SHANK2: variants seen among roughly 807,000 people sequenced by gnomAD.
The protein encoded by SHANK2 is SH3 and multiple ankyrin repeat domains 2, also known as SH3 and multiple ankyrin repeat domains protein 2.
SHANK2 carries 43 observed loss-of-function variants against 133.7 expected under a neutral mutation model. The ratio of observed to expected loss-of-function variants is 0.32; its 90% CI spans 0.25 to 0.41. The LOEUF is 0.41. Among genes scored for constraint, SHANK2 ranks in the 10% least tolerant of loss-of-function variants. The pLI is 1.00. For synonymous variants in SHANK2, 1,017 were observed against 952.8 expected (o/e 1.07, Z -1.24); for missense variants, 1,994 against 2,235.8 (o/e 0.89, Z 2.18).
At chr11:70,895,726 A>T (rs1207698357) in intron 11 of SHANK2, among the ~76,000 whole-genome samples, 1 of 152,074 alleles carries the variant, frequency 6.6e-6, no homozygotes, top group Non-Finnish European at 1.5e-5. Flanking sequence ...CTTCCAATAA[A>T]CACATCCAAA....
chr11:70,468,863 G>A lies in SHANK2; in HGVS notation c.*4006C>T, dbSNP rs1555147730. The A allele has an allele frequency of 6.6e-6, 1 of 152,244 alleles. No individual in the cohort carries two copies. The highest frequency in any genetic ancestry group is 1.9e-4 in the East Asian group (1 of 5,202). The allele number at this position is 152,244 out of a possible 1,614,324, so 9.4% of individuals were successfully genotyped here. ...GGTGAGGCCAAAGAAGAAGTTCAAC[G>A]TTTAGGTTTAAAATATGCTTCCCTA... is the stretch of plus-strand genomic sequence containing the variant. On this transcript the variant is annotated 3_prime_UTR_variant, in exon 26 of 26. Coordinates refer to ENST00000601538, the MANE Select transcript of SHANK2 (RefSeq NM_012309.5).
At chr11:70,910,891 T>C in intron 10 of SHANK2, 1 of 437,618 alleles carries the variant, frequency 2.3e-6, no homozygotes, top group Admixed American at 2.4e-5. Context: ...ACATGTTGCT[T>C]GGTGGTGCGT....
At chr11:70,687,142 A>G (rs1945174840) in intron 15 of SHANK2, among the ~76,000 whole-genome samples, 1 of 152,226 alleles carries the variant, frequency 6.6e-6, no homozygotes, top group African/African-American at 2.4e-5. Flanking sequence ...AGAATTTTAT[A>G]TTCACAAGAG....
At chr11:70,522,506 C>A (rs534830722) in intron 17 of SHANK2, among the ~76,000 whole-genome samples, 1 of 152,360 alleles carries the variant, frequency 6.6e-6, no homozygotes, top group African/African-American at 2.4e-5. Context: ...CCAGCCATGG[C>A]TTATTCAAAC....
At chr11:70,600,418 CAAAAAAAAAA>C (rs56103044) in intron 17 of SHANK2, among the ~76,000 whole-genome samples, 3 of 95,466 alleles carry the variant, frequency 3.1e-5, no homozygotes, top group African/African-American at 1.1e-4. Context: ...GACTCTGTCT[CAAAAAAAAAA>C]AAAAAAAAAG....
intron 17 of SHANK2, among the ~76,000 whole-genome samples, chr11:70,599,078 G>GAAAA (rs1476274851): frequency 6.7e-6 from 1 of 149,800 alleles, no homozygotes; most frequent in East Asian, 2.0e-4. Flanking sequence ...GAGAAAGGAA[G>GAAAA]AAAAAAGATA....
intron 2 of SHANK2, among the ~76,000 whole-genome samples, chr11:71,160,942 C>T (rs12271307): frequency 0.28 from 42,161 of 152,166 alleles, 6,597 homozygotes; most frequent in African/African-American, 0.41. Flanking sequence ...AACCAGTTGC[C>T]TCAAAACTGA....
chr11:70,618,665 G>A (rs1229467071), intron 17 of SHANK2, among the ~76,000 whole-genome samples: 2 of 152,204 alleles, frequency 1.3e-5, no homozygotes, highest in Non-Finnish European at 2.9e-5. Context: ...AATTAACACC[G>A]ACTGGGAGAG....
At chr11:70,945,661 G>A (rs782350804) in intron 10 of SHANK2, among the ~76,000 whole-genome samples, 1 of 152,184 alleles carries the variant, frequency 6.6e-6, no homozygotes, top group Non-Finnish European at 1.5e-5. Flanking sequence ...GAGTGCATCA[G>A]GGCATGTGGG....
chr11:70,569,269 C>T lies in SHANK2; in HGVS notation c.2062-66338G>A, dbSNP rs2060012122. Among the ~76,000 whole-genome samples, 1 of 152,220 alleles carries T rather than the reference C, an allele frequency of 6.6e-6. No individual in the cohort carries two copies. Among genetic ancestry groups the T allele is most frequent in the Non-Finnish European group, 1.5e-5 (1 of 68,028 alleles). On this transcript the variant is annotated intron_variant, in intron 17 of 25. Coordinates refer to ENST00000601538, the MANE Select transcript of SHANK2 (RefSeq NM_012309.5). This position sits in a 1 kb window ranked among gnomAD's most constrained non-coding sequence, Gnocchi z 5.1. ...TAGTGACCCCAGGGGAGGCTGGTGG[C>T]TAAGCCATGCCGCTGGGGTCCTGGG...
chr11:70,682,171 G>A lies in SHANK2; in HGVS notation c.1853+16517C>T, dbSNP rs189165696. On this transcript the variant is annotated intron_variant, in intron 15 of 25. Transcript: ENST00000601538. ...CAAGAGCACCACAAGGCCGGGCCAG[G>A]GCTGCTGCTGCTACTGCCACTGTCT... 5.7e-3 allele frequency among the ~76,000 whole-genome samples: 873 copies of A among 152,276 alleles called. 2 individuals carry two copies. Among genetic ancestry groups the A allele is most frequent in the Non-Finnish European group, 0.011 (723 of 68,026 alleles).
At chr11:70,519,256 G>A (rs1554970585) in intron 17 of SHANK2, among the ~76,000 whole-genome samples, 1 of 152,162 alleles carries the variant, frequency 6.6e-6, no homozygotes, top group African/African-American at 2.4e-5. Context: ...GGATGACTCT[G>A]AGGCACAGTG....
Position 70,486,589 on chromosome 11 carries a change from T to G in SHANK2, c.3704A>C (p.Lys1235Thr). Residue 1235 changes from lysine to threonine, a missense_variant, in exon 25 of 26, where the codon AAA becomes ACA. Coordinates refer to ENST00000601538, the MANE Select transcript of SHANK2 (RefSeq NM_012309.5). This position sits in a 1 kb window ranked among gnomAD's most constrained non-coding sequence, Gnocchi z 8.0. ...GAGGTCGGCCTTGGGGGCCTCCCCT[T>G]TGGGTCCCTGTTGAGACTCCTTCAT... ...RAMKESQQGP[K>T]GEAPKADLNK... The G allele has an allele frequency of 1.2e-5, 20 of 1,613,932 alleles. No homozygotes were observed. Among genetic ancestry groups the G allele is most frequent in the Non-Finnish European group, 1.7e-5 (20 of 1,180,006 alleles).
chr11:70,698,422 T>C lies in SHANK2; in HGVS notation c.1853+266A>G, dbSNP rs545625174. ...CCGTCATCCTTGACATTTGCATGCT[T>C]TCGCAAAAACAATGCTACCCAGCCC... On this transcript the variant is annotated intron_variant, in intron 15 of 25. Coordinates refer to ENST00000601538, the MANE Select transcript of SHANK2 (RefSeq NM_012309.5). Among the ~76,000 whole-genome samples, 5 of 152,262 alleles carry C rather than the reference T, an allele frequency of 3.3e-5. No individual in the cohort carries two copies. In the South Asian group the frequency reaches 1.0e-3, roughly 32 times the overall value.
rs6592617 is a variant in SHANK2, at chr11:70,535,488, A to G, written c.2062-32557T>C. On this transcript the variant is annotated intron_variant, in intron 17 of 25. Transcript: ENST00000601538. This position sits in a 1 kb window ranked among gnomAD's most constrained non-coding sequence, Gnocchi z 4.3. ...CGTCCGTCCATCCATCCATCCATCC[A>G]TCCATCCGTCCGTCCGTCCATCTAT... is the stretch of plus-strand genomic sequence containing the variant. Among the ~76,000 whole-genome samples the G allele has an allele frequency of 0.94, 142,558 of 152,164 alleles. 67,530 individuals are homozygous for G. Among genetic ancestry groups the G allele is most frequent in the East Asian group, 1 (5,177 of 5,178 alleles).
At chr11:70,631,408 A>ACACCCCCC (rs1555002113) in intron 17 of SHANK2, among the ~76,000 whole-genome samples, 1 of 148,802 alleles carries the variant, frequency 6.7e-6, no homozygotes, top group Non-Finnish European at 1.5e-5. Flanking sequence ...ACACACACAC[A>ACACCCCCC]CCCACACAAC....
chr11:70,803,556 A>G (rs1344087287), intron 13 of SHANK2, among the ~76,000 whole-genome samples: 1 of 151,996 alleles, frequency 6.6e-6, no homozygotes, highest in Non-Finnish European at 1.5e-5. Context: ...TCAGATTCCC[A>G]GGCTGTGTCC....
At chr11:70,837,992 A>G (rs1247442397) in intron 11 of SHANK2, among the ~76,000 whole-genome samples, 53 of 150,646 alleles carry the variant, frequency 3.5e-4, no homozygotes, top group Admixed American at 1.1e-3. Context: ...AAAAAAAAAA[A>G]AAAAAAAAAG....
At chr11:70,496,518 G>A (rs1364190235) in intron 21 of SHANK2, among the ~76,000 whole-genome samples, 2 of 152,216 alleles carry the variant, frequency 1.3e-5, no homozygotes, top group Non-Finnish European at 2.9e-5. Flanking sequence ...CCAGGGTGAA[G>A]GAAAGGTGTC....
Sources: allele counts gnomAD v4.1 joint callset (sites outside exome capture counted in the v4.1 genomes callset), GRCh38; gene constraint gnomAD v4.1.1; non-coding constraint Gnocchi (gnomAD v3.1); transcripts MANE v1.5; gene names NCBI Gene and HGNC (gene_info 2026-07-23, HGNC 2026-07-21).